ABAT: variants seen among roughly 807,000 people sequenced by gnomAD.
ABAT encodes the protein 4-aminobutyrate aminotransferase, mitochondrial.
Under a neutral mutation model 64.6 loss-of-function variants are expected in ABAT, and 45 were observed. That is an observed-to-expected ratio of 0.70 (90% confidence interval 0.55 to 0.89). The LOEUF is 0.89. ABAT is among the 40% of genes least tolerant of loss of function. The pLI, the probability that ABAT is intolerant of heterozygous loss-of-function variation, is 0.00. For synonymous variants in ABAT, 297 were observed against 250.5 expected (o/e 1.19, Z -1.75); for missense variants, 633 against 658.4 (o/e 0.96, Z 0.42).
At chr16:8,708,487 T>C (rs1241084155) in intron 1 of ABAT, among the ~76,000 whole-genome samples, 1 of 151,626 alleles carries the variant, frequency 6.6e-6, no homozygotes, top group African/African-American at 2.4e-5. Context: ...GGGGGCAGGG[T>C]TGTGTGTCTC....
chr16:8,685,071 G>A (rs1641114), intron 1 of ABAT, among the ~76,000 whole-genome samples: 103 of 152,046 alleles, frequency 6.8e-4, no homozygotes, highest in Non-Finnish European at 1.1e-3. Context: ...GATTGCTTGA[G>A]CTCAGGAGTT....
intron 1 of ABAT, among the ~76,000 whole-genome samples, chr16:8,699,061 G>GCTGGGTCATATGGTGATT (rs746728650): frequency 5.3e-5 from 8 of 152,228 alleles, no homozygotes; most frequent in Middle Eastern, 3.2e-3. Flanking sequence ...GGGTGGAATT[G>GCTGGGTCATATGGTGATT]CTGGGTCATA....
chr16:8,677,595 C>G (rs965891848), intron 1 of ABAT, among the ~76,000 whole-genome samples: 1 of 152,146 alleles, frequency 6.6e-6, no homozygotes, highest in African/African-American at 2.4e-5. Context: ...TGTTGTGGGA[C>G]TCCCCTGTGT....
rs7200724 is a variant in ABAT, at chr16:8,766,739, C to T, written c.603+469C>T. ...ATCCCAGCACTTTGGGAGGCCGAGGCGGGTGGATCTCCCGAGGTCAGGAGT... is the reference window on the plus strand; with the variant it reads ...ATCCCAGCACTTTGGGAGGCCGAGGTGGGTGGATCTCCCGAGGTCAGGAGT... On this transcript the variant is annotated intron_variant, in intron 9 of 15. Transcript: ENST00000268251. 4.4e-3 allele frequency among the ~76,000 whole-genome samples: 672 copies of T among 152,190 alleles called. 4 individuals are homozygous for T. The highest frequency in any genetic ancestry group is 0.015 in the African/African-American group (635 of 41,514).
rs1315939760 is a variant in ABAT at position 8,695,620 on chromosome 16, CAGTT to C, written c.-42+20912_-42+20915del. On this transcript the variant is annotated intron_variant, in intron 1 of 15. Coordinates refer to ENST00000268251, the MANE Select transcript of ABAT (RefSeq NM_020686.6). ...AAAAGCATCAGTGATGTCTGGAAAT[CAGTT>C]AGCATCGGGTGAGTGTAGATAAAGC... Among the ~76,000 whole-genome samples the C allele has an allele frequency of 2.0e-5, 3 of 152,336 alleles. No individual in the cohort carries two copies. In the East Asian group the frequency reaches 5.8e-4, roughly 29 times the overall value.
chr16:8,722,672 T>A, intron 1 of ABAT: 1 of 505,030 alleles, frequency 2.0e-6, no homozygotes, highest in South Asian at 1.9e-5. Context: ...ATTTTCAGAT[T>A]TCTCCAACCT....
chr16:8,727,073 T>C (rs953018446), intron 1 of ABAT, among the ~76,000 whole-genome samples: 6 of 152,328 alleles, frequency 3.9e-5, no homozygotes, highest in Middle Eastern at 3.4e-3. Flanking sequence ...TTGACCTCCT[T>C]TTTATATTCT....
At chr16:8,766,590 G>A (rs1467185026) in intron 9 of ABAT, among the ~76,000 whole-genome samples, 3 of 151,196 alleles carry the variant, frequency 2.0e-5, no homozygotes, top group Non-Finnish European at 3.0e-5. Flanking sequence ...AGGAGGTGGA[G>A]GTTGCAGTGA....
At chr16:8,721,311 G>C (rs1484374042) in intron 1 of ABAT, among the ~76,000 whole-genome samples, 10 of 152,112 alleles carry the variant, frequency 6.6e-5, no homozygotes, top group Non-Finnish European at 1.5e-5. Context: ...CAGTTCCAGG[G>C]ATTTGAGGAT....
intron 5 of ABAT, among the ~76,000 whole-genome samples, chr16:8,751,586 C>A (rs1305166002): frequency 6.6e-6 from 1 of 152,202 alleles, no homozygotes; most frequent in Non-Finnish European, 1.5e-5. Context: ...AGCAAAGGGC[C>A]TGGCTTTTTA....
chr16:8,703,009 G>A (rs2057859998), intron 1 of ABAT, among the ~76,000 whole-genome samples: 1 of 152,100 alleles, frequency 6.6e-6, no homozygotes, highest in South Asian at 2.1e-4. Context: ...GAGTGTGCCA[G>A]GAAGATGCAG....
At chr16:8,733,366 G>C (rs2142357013) in intron 1 of ABAT, among the ~76,000 whole-genome samples, 1 of 150,946 alleles carries the variant, frequency 6.6e-6, no homozygotes, top group South Asian at 2.1e-4. Context: ...CCAGGCCGAG[G>C]GGCTCCTCAC....
Position 8,735,862 on chromosome 16 carries a change from G to A in ABAT, c.70+53G>A, listed in dbSNP as rs539939852. On this transcript the variant is annotated intron_variant, in intron 2 of 15. Coordinates refer to ENST00000268251, the MANE Select transcript of ABAT (RefSeq NM_020686.6). Reference sequence around the variant, plus strand: ...TGGTACTAATGGAAGATACCATCCAGACTAGGGATTCCTGGGCTGGAAGAG... The same window carrying A: ...TGGTACTAATGGAAGATACCATCCAAACTAGGGATTCCTGGGCTGGAAGAG... The A allele has an allele frequency of 2.4e-4, 360 of 1,490,180 alleles. 1 individual carries two copies. In the African/African-American group the frequency reaches 4.1e-3, roughly 17 times the overall value. The allele number at this position is 1,490,180 out of a possible 1,614,324, so 92.3% of individuals were successfully genotyped here.
intron 2 of ABAT, among the ~76,000 whole-genome samples, chr16:8,743,444 T>TATATATATATATATATATATATATACAC (rs368568293): frequency 1.8e-4 from 21 of 117,662 alleles, no homozygotes; most frequent in African/African-American, 6.0e-4. Context: ...TATATATATA[T>TATATATATATATATATATATATATACAC]ACACACATTT....
At chr16:8,693,047 G>C (rs2057621763) in intron 1 of ABAT, among the ~76,000 whole-genome samples, 2 of 151,786 alleles carry the variant, frequency 1.3e-5, no homozygotes, top group South Asian at 4.1e-4. Context: ...AGAGAATGGG[G>C]TTTTACCATG....
intron 1 of ABAT, among the ~76,000 whole-genome samples, chr16:8,734,925 G>C (rs1182401383): frequency 6.6e-6 from 1 of 151,988 alleles, no homozygotes; most frequent in Admixed American, 6.6e-5. Flanking sequence ...ATGGCAATCA[G>C]GGCTGGACAC....
chr16:8,720,247 T>C (rs978046718), intron 1 of ABAT, among the ~76,000 whole-genome samples: 3 of 152,328 alleles, frequency 2.0e-5, no homozygotes, highest in Non-Finnish European at 2.9e-5. Flanking sequence ...TAGATTTCAT[T>C]CTTCCCATTT....
At chr16:8,735,522 A>G (rs2058896055) in intron 1 of ABAT, among the ~76,000 whole-genome samples, 177 bp from the exon 2 acceptor site, 2 of 152,196 alleles carry the variant, frequency 1.3e-5, no homozygotes, top group African/African-American at 4.8e-5. Context: ...CTGAGATGAC[A>G]GGTGTGAGCC....
In ABAT at chr16:8,757,746, C is replaced by G. The variant is rs779744741; in HGVS notation, c.317-11C>G. On this transcript the variant is annotated splice_polypyrimidine_tract_variant and intron_variant, in intron 5 of 15. Transcript: ENST00000268251. ...GCAATGAGGTCTCTAACAATACTCT[C>G]CTGCCCTCAGGTTACAGCCACCCCG... The G allele has an allele frequency of 9.3e-6, 15 of 1,613,920 alleles. No homozygotes were observed. In the East Asian group the frequency reaches 1.1e-4, roughly 12 times the overall value.
Sources: allele counts gnomAD v4.1 joint callset (sites outside exome capture counted in the v4.1 genomes callset), GRCh38; gene constraint gnomAD v4.1.1; transcripts MANE v1.5; gene names NCBI Gene and HGNC (gene_info 2026-07-23, HGNC 2026-07-21).